FRMPD2: variants seen among roughly 807,000 people sequenced by gnomAD.
The protein encoded by FRMPD2 is FERM and PDZ domain containing 2, also known as FERM and PDZ domain-containing protein 2.
A neutral mutation model predicts 140.1 loss-of-function variants in FRMPD2; 96 were observed. That is an observed-to-expected ratio of 0.69 (90% CI 0.58 to 0.81). FRMPD2 has a LOEUF of 0.81. Among genes scored for constraint, FRMPD2 ranks in the 40% least tolerant of loss-of-function variants. The probability of loss-of-function intolerance (pLI) is 0.00; values close to 1 mark genes in which losing one functional copy is unlikely to be tolerated. For synonymous variants in FRMPD2, 449 were observed against 547.6 expected (o/e 0.82, Z 2.52); for missense variants, 1,240 against 1,447.4 (o/e 0.86, Z 2.32).
Position 48,206,893 on chromosome 10 carries a change from TG to T in FRMPD2, c.1651del (p.Gln551LysfsTer23), listed in dbSNP as rs1163559750. 3 of 1,614,036 alleles carry T rather than the reference TG, an allele frequency of 1.9e-6. No individual in the cohort carries two copies. Among genetic ancestry groups the T allele is most frequent in the Non-Finnish European group, 2.5e-6 (3 of 1,179,936 alleles). On this transcript the variant is annotated frameshift_variant, in exon 14 of 29. Coordinates refer to ENST00000374201, the MANE Select transcript of FRMPD2 (RefSeq NM_001018071.4). LOFTEE classifies it high-confidence loss of function. ...TGGCCTCCTCTTCTCTGAGAATACT[TG>T]GTGAACCAGCACACCGTATTCTGGG... The part of the protein sequence containing the change: ...QLPEYGVLVH[Q>X]VFSEKRRPEE...
At chr10:48,230,694 T>C (rs950487285) in intron 10 of FRMPD2, among the ~76,000 whole-genome samples, 8 of 152,270 alleles carry the variant, frequency 5.3e-5, no homozygotes, top group African/African-American at 1.7e-4. Flanking sequence ...TATCTGACTG[T>C]AGCCCTGTTC....
chr10:48,189,909 A>T (rs1838789100), intron 16 of FRMPD2, among the ~76,000 whole-genome samples: 2 of 152,172 alleles, frequency 1.3e-5, no homozygotes, highest in South Asian at 4.1e-4. Context: ...TTATAACATG[A>T]TTTAATTCCC....
chr10:48,248,466 T>C (rs778085274), intron 3 of FRMPD2: 7 of 152,210 alleles, frequency 4.6e-5, no homozygotes, highest in Non-Finnish European at 8.8e-5. Flanking sequence ...TATGTGCACA[T>C]ATATTGAATT....
At chr10:48,200,196 A>T in intron 15 of FRMPD2, among the ~76,000 whole-genome samples, 1 of 148,626 alleles carries the variant, frequency 6.7e-6, no homozygotes, top group Non-Finnish European at 1.5e-5. Flanking sequence ...AAATAAATAA[A>T]TAAAACAGAG....
At chr10:48,213,751 A>G (rs1839384762) in intron 12 of FRMPD2, among the ~76,000 whole-genome samples, 1 of 152,222 alleles carries the variant, frequency 6.6e-6, no homozygotes, top group African/African-American at 2.4e-5. Flanking sequence ...TATGATCATA[A>G]CTATATGATA....
intron 1 of FRMPD2, among the ~76,000 whole-genome samples, chr10:48,270,693 C>T (rs192396185): frequency 2.6e-5 from 4 of 151,674 alleles, no homozygotes; most frequent in Non-Finnish European, 4.4e-5. Context: ...GCTGAATTCA[C>T]CTTCCCCCCA....
chr10:48,213,528 G>C (rs1423202100), intron 12 of FRMPD2, among the ~76,000 whole-genome samples: 2 of 152,228 alleles, frequency 1.3e-5, no homozygotes, highest in Non-Finnish European at 2.9e-5. Context: ...CCTGCACACA[G>C]ATGTTTATAA....
At chr10:48,182,272 G>A (rs1237560934) in intron 20 of FRMPD2, among the ~76,000 whole-genome samples, 1 of 152,126 alleles carries the variant, frequency 6.6e-6, no homozygotes, top group African/African-American at 2.4e-5. Flanking sequence ...AGTGTCATAA[G>A]CATCGGCTCA....
At chr10:48,197,613 C>T (rs1236564400) in intron 15 of FRMPD2, among the ~76,000 whole-genome samples, 1 of 152,206 alleles carries the variant, frequency 6.6e-6, no homozygotes, top group Non-Finnish European at 1.5e-5. Context: ...CCTTTGCAAG[C>T]TCCCAGATGA....
intron 12 of FRMPD2, among the ~76,000 whole-genome samples, chr10:48,217,799 A>G (rs1839485650): frequency 6.6e-6 from 1 of 152,146 alleles, no homozygotes; most frequent in South Asian, 2.1e-4. Context: ...GGCAAGTTAT[A>G]ACCAAGGTCA....
In FRMPD2 at chr10:48,192,766, C is replaced by T. The variant is rs752968203; in HGVS notation, c.2083G>A (p.Ala695Thr). 1.9e-6 allele frequency: 3 copies of T among 1,614,126 alleles called. No homozygotes were observed. Among genetic ancestry groups the T allele is most frequent in the Admixed American group, 3.3e-5 (2 of 60,022 alleles). The change falls in exon 16 of 29, where the codon GCA becomes ACA. Residue 695 changes from alanine (A) to threonine (T), a missense_variant. Physicochemically the swap from Ala to Thr is moderately conservative, Grantham distance 58. Around this residue, in one of 6 missense-constraint regions of FRMPD2, gnomAD observed 1,161 missense variants for 1,055.9 expected, o/e 1.10. Transcript: ENST00000374201. Reference protein sequence around the residue: ...ELFVSRLQGAAGGLLSTSMDN... With the variant: ...ELFVSRLQGATGGLLSTSMDN... Reference sequence around the variant, plus strand: ...ATTGATGTACTCAGCAGGCCTCCTGCAGCACCCTGAAGCCTGGATACAAAC... The same window carrying T: ...ATTGATGTACTCAGCAGGCCTCCTGTAGCACCCTGAAGCCTGGATACAAAC...
At chr10:48,183,082 C>G (rs893157577) in intron 20 of FRMPD2, among the ~76,000 whole-genome samples, 1 of 152,190 alleles carries the variant, frequency 6.6e-6, no homozygotes, top group Non-Finnish European at 1.5e-5. Flanking sequence ...GACAGGGGAG[C>G]TGCATGGCAC....
Position 48,185,608 on chromosome 10 carries a change from T to C in FRMPD2, c.2304A>G (p.Glu768=), listed in dbSNP as rs1338960995. The part of the protein sequence containing the change: ...KNNRRKSFIA[E]PGREIVRVTL... ...TCACACGTACAATTTCTCGGCCCGG[T>C]TCAGCTATAAAGCTCTTCCTCCTAT... Residue 768 remains glutamate (E), a synonymous_variant, in exon 18 of 29, where the codon GAA becomes GAG. Transcript: ENST00000374201. The C allele has an allele frequency of 1.2e-6, 2 of 1,614,098 alleles. No individual in the cohort carries two copies. Among genetic ancestry groups the C allele is most frequent in the Non-Finnish European group, 1.7e-6 (2 of 1,179,964 alleles).
At position 48,192,898 on chromosome 10, in the gene FRMPD2, A is replaced by G; in HGVS notation, c.1955-4T>C. 1 of 1,610,466 alleles carries G rather than the reference A, an allele frequency of 6.2e-7. No homozygotes were observed. Among genetic ancestry groups the G allele is most frequent in the Non-Finnish European group, 8.5e-7 (1 of 1,177,928 alleles). On this transcript the variant is annotated splice_polypyrimidine_tract_variant and splice_region_variant and intron_variant, in intron 15 of 28. Coordinates refer to ENST00000374201, the MANE Select transcript of FRMPD2 (RefSeq NM_001018071.4). ...ATTTGCACAAACTTATCATGGTCTG[A>G]ATTTGGGGAGAAAAACATAGACATA...
chr10:48,187,169 C>A (rs1430097817), intron 17 of FRMPD2, 23 bp downstream of exon 17: 2 of 1,580,492 alleles, frequency 1.3e-6, no homozygotes, highest in Non-Finnish European at 8.7e-7. Flanking sequence ...CCACCCAAGA[C>A]CTGGTCGTGG....
At chr10:48,252,890 T>A (rs570860665) in intron 1 of FRMPD2, among the ~76,000 whole-genome samples, 7 of 150,542 alleles carry the variant, frequency 4.6e-5, no homozygotes, top group African/African-American at 1.8e-4. Context: ...TTTCCTTTCC[T>A]TCCTTTTCCT....
At chr10:48,258,159 C>A (rs1374598363) in intron 1 of FRMPD2, among the ~76,000 whole-genome samples, 1 of 152,218 alleles carries the variant, frequency 6.6e-6, no homozygotes, top group East Asian at 1.9e-4. Flanking sequence ...TATTAAAAAC[C>A]ATCTGCCCAC....
chr10:48,237,969 C>T (rs369825525), intron 8 of FRMPD2, 22 bp downstream of exon 8: 425 of 1,613,948 alleles, frequency 2.6e-4, no homozygotes, highest in Non-Finnish European at 3.3e-4. Context: ...TGAGGAGTGT[C>T]CTTCAGCCTT....
Position 48,257,096 on chromosome 10 carries a change from C to T in FRMPD2, c.26-5405G>A, listed in dbSNP as rs1588858289. Among the ~76,000 whole-genome samples the T allele has an allele frequency of 2.0e-5, 3 of 152,018 alleles. No homozygotes were observed. The South Asian group carries it at 6.2e-4, about 32-fold the overall frequency. On this transcript the variant is annotated intron_variant, in intron 1 of 28. Coordinates refer to ENST00000374201, the MANE Select transcript of FRMPD2 (RefSeq NM_001018071.4). ...CCTCCTCCAGCTTCTGCCATCTGCC[C>T]GCATTCCTCAGCTATGGCCACATCA...
Sources: gnomAD v4.1 joint callset for allele counts (sites outside exome capture counted in the v4.1 genomes callset) on GRCh38, gnomAD v4.1.1 for gene constraint, gnomAD v4.1.1 regional missense constraint, MANE v1.5 for transcripts, NCBI Gene and HGNC (gene_info 2026-07-23, HGNC 2026-07-21) for gene names.